Variants in PRR16 observed in about 807,000 individuals in gnomAD.
PRR16 encodes proline rich 16.
PRR16 carries 6 observed loss-of-function variants against 18.2 expected under a neutral mutation model. That is an observed-to-expected ratio of 0.33 (90% CI 0.18 to 0.65). The LOEUF is 0.65. Ranked by LOEUF, PRR16 falls within the 30% of genes least tolerant of loss-of-function variation. The pLI is 0.74. For synonymous variants in PRR16, 151 were observed against 147.8 expected, an observed-to-expected ratio of 1.02 and a Z score of -0.16; for missense variants, 412 against 376.6, an observed-to-expected ratio of 1.09 and a Z score of -0.78.
intron 1 of PRR16, among the ~76,000 whole-genome samples, chr5:120,609,536 A>G (rs1754266920): frequency 6.6e-6 from 1 of 152,226 alleles, no homozygotes; most frequent in Non-Finnish European, 1.5e-5. Flanking sequence ...AGAGCCATTT[A>G]GCTAAGATTT....
intron 1 of PRR16, among the ~76,000 whole-genome samples, chr5:120,545,080 A>G (rs747031420): frequency 3.3e-5 from 5 of 152,110 alleles, no homozygotes; most frequent in Non-Finnish European, 7.4e-5. Context: ...AAGACTGAGC[A>G]CAGAGGTAGG....
At chr5:120,652,983 A>G (rs1755842525) in intron 1 of PRR16, among the ~76,000 whole-genome samples, 1 of 152,106 alleles carries the variant, frequency 6.6e-6, no homozygotes, top group African/African-American at 2.4e-5. Context: ...TTAAAATAAC[A>G]GTGCAGATAT....
the PRR16 span, among the ~76,000 whole-genome samples, chr5:120,696,625 A>G: frequency 3.9e-5 from 6 of 152,230 alleles, no homozygotes; most frequent in African/African-American, 1.4e-4. Flanking sequence ...TTCTTCCAAC[A>G]AAGTGGTTCT....
chr5:120,568,474 GA>G (rs917154159), intron 1 of PRR16, among the ~76,000 whole-genome samples: 10 of 151,976 alleles, frequency 6.6e-5, no homozygotes, highest in African/African-American at 2.2e-4. Context: ...AGTTGTCTGG[GA>G]AAAAAATGAC....
At chr5:120,517,409 A>G (rs1229085980) in intron 1 of PRR16, among the ~76,000 whole-genome samples, 1 of 151,906 alleles carries the variant, frequency 6.6e-6, no homozygotes, top group African/African-American at 2.4e-5. Context: ...ACCCTCACTA[A>G]CTATGCTTGA....
chr5:120,719,128 C>T, the PRR16 span, among the ~76,000 whole-genome samples: 2 of 151,862 alleles, frequency 1.3e-5, no homozygotes, highest in African/African-American at 4.8e-5. Context: ...TTTGTTATTG[C>T]TTCAGTTACA....
At chr5:120,672,935 T>C (rs1756665045) in intron 1 of PRR16, among the ~76,000 whole-genome samples, 1 of 152,122 alleles carries the variant, frequency 6.6e-6, no homozygotes, top group Admixed American at 6.5e-5. Context: ...GTACATCTAT[T>C]AGGTTACTAA....
chr5:120,640,285 CT>C (rs1243247931), intron 1 of PRR16, among the ~76,000 whole-genome samples: 3 of 114,898 alleles, frequency 2.6e-5, no homozygotes, highest in African/African-American at 9.9e-5. Flanking sequence ...ACGTGTACCC[CT>C]GAACCTAAAA....
the PRR16 span, among the ~76,000 whole-genome samples, chr5:120,741,197 T>A: frequency 1.4e-4 from 21 of 152,148 alleles, no homozygotes; most frequent in Admixed American, 1.3e-3. Context: ...TTTTGCTAAA[T>A]TCACTGATTA....
At chr5:120,605,208 C>A (rs1055024749) in intron 1 of PRR16, among the ~76,000 whole-genome samples, 2 of 152,134 alleles carry the variant, frequency 1.3e-5, no homozygotes, top group African/African-American at 4.8e-5. Context: ...GTGGTCTCTT[C>A]AGATAATCCT....
At chr5:120,650,813 C>T (rs934966889) in intron 1 of PRR16, among the ~76,000 whole-genome samples, 8 of 152,038 alleles carry the variant, frequency 5.3e-5, no homozygotes, top group Admixed American at 2.0e-4. Context: ...TTTATAGCAG[C>T]ATGATTTATA....
At chr5:120,523,062 A>G (rs1037665649) in intron 1 of PRR16, among the ~76,000 whole-genome samples, 8 of 152,194 alleles carry the variant, frequency 5.3e-5, no homozygotes, top group Admixed American at 2.0e-4. Context: ...AATCATAGAC[A>G]TGTATCCCAG....
intron 1 of PRR16, among the ~76,000 whole-genome samples, chr5:120,495,073 T>A (rs6892665): frequency 0.29 from 44,654 of 151,894 alleles, 7,646 homozygotes; most frequent in African/African-American, 0.48. Context: ...TAATTTATGT[T>A]TTTTTTTCAT....
the PRR16 span, among the ~76,000 whole-genome samples, chr5:120,750,302 A>G: frequency 0.98 from 148,821 of 152,160 alleles, 72,871 homozygotes; most frequent in East Asian, 1. Flanking sequence ...AAACTCCATA[A>G]GATTCAAGTC....
At chr5:120,753,769 C>G in the PRR16 span, among the ~76,000 whole-genome samples, 2 of 144,242 alleles carry the variant, frequency 1.4e-5, no homozygotes, top group African/African-American at 5.1e-5. Context: ...TAAAAAAGTT[C>G]TTCAGTTATG....
At chr5:120,767,987 C>CAGAATTATGCA in the PRR16 span, among the ~76,000 whole-genome samples, 1 of 151,800 alleles carries the variant, frequency 6.6e-6, no homozygotes, top group African/African-American at 2.4e-5. Flanking sequence ...AGTATATTTA[C>CAGAATTATGCA]AGAATTATGC....
the PRR16 span, among the ~76,000 whole-genome samples, chr5:120,723,940 A>G: frequency 3.3e-5 from 5 of 151,776 alleles, no homozygotes; most frequent in Admixed American, 6.6e-5. Flanking sequence ...ATTATCAAAT[A>G]AGAAAATGAA....
chr5:120,743,540 C>T, the PRR16 span, among the ~76,000 whole-genome samples: 1 of 149,402 alleles, frequency 6.7e-6, no homozygotes, highest in Admixed American at 6.6e-5. Context: ...TGAAGACAGC[C>T]TGACAGTTTT....
rs756929051 is a variant in PRR16, at chr5:120,686,066, G to T, written c.272G>T (p.Ser91Ile). ...NSSSSGTTAS[S>I]LEKIKVQANA... ...AGCTCAAGTGGCACAACAGCCTCCA[G>T]CCTAGAGAAGATCAAAGTGCAGGCT... Residue 91 changes from serine to isoleucine, a missense_variant, in exon 2 of 2, where the codon AGC (serine) becomes ATC (isoleucine). By Grantham distance (142) the Ser-to-Ile change is moderately radical. Coordinates refer to ENST00000407149, the MANE Select transcript of PRR16 (RefSeq NM_001300783.2). The T allele has an allele frequency of 8.7e-6, 14 of 1,613,984 alleles. No individual in the cohort carries two copies. Among genetic ancestry groups the T allele is most frequent in the African/African-American group, 1.3e-5 (1 of 74,904 alleles).
Sources: gnomAD v4.1 joint callset for allele counts (sites outside exome capture counted in the v4.1 genomes callset) on GRCh38, gnomAD v4.1.1 for gene constraint, MANE v1.5 for transcripts, NCBI Gene and HGNC (gene_info 2026-07-23, HGNC 2026-07-21) for gene names.